PACS2: variants seen among roughly 807,000 people sequenced by gnomAD.
The protein encoded by PACS2 is phosphofurin acidic cluster sorting protein 2.
In PACS2, 36 loss-of-function variants were observed where a neutral mutation model predicts 113.0. The observed-to-expected ratio is 0.32, with a 90% CI of 0.24 to 0.42. The LOEUF (loss-of-function observed/expected upper bound fraction) is 0.42. Ranked by LOEUF, PACS2 falls within the 10% of genes least tolerant of loss-of-function variation. The pLI is 1.00. For synonymous variants in PACS2, 589 were observed against 536.1 expected (o/e 1.10, Z -1.36); for missense variants, 1,015 against 1,239.5 (o/e 0.82, Z 2.72).
intron 1 of PACS2, among the ~76,000 whole-genome samples, chr14:105,337,393 G>A (rs2059569249): frequency 6.6e-6 from 1 of 152,240 alleles, no homozygotes; most frequent in Admixed American, 6.5e-5. Flanking sequence ...CACGCACGTA[G>A]TGCCACTGAC....
At chr14:105,345,323 C>G (rs587673661) in intron 1 of PACS2, among the ~76,000 whole-genome samples, 2 of 145,294 alleles carry the variant, frequency 1.4e-5, no homozygotes, top group East Asian at 4.2e-4. Context: ...AGGACAATAG[C>G]GTGAACCCAG....
At chr14:105,377,650 C>T (rs1230311218) in intron 9 of PACS2, among the ~76,000 whole-genome samples, 2 of 152,306 alleles carry the variant, frequency 1.3e-5, no homozygotes, top group African/African-American at 2.4e-5. Flanking sequence ...ATGTTGGAGG[C>T]GCGGCCCCAG....
intron 19 of PACS2, among the ~76,000 whole-genome samples, chr14:105,387,711 T>C (rs1057353437): frequency 6.6e-6 from 1 of 152,188 alleles, no homozygotes; most frequent in Non-Finnish European, 1.5e-5. Flanking sequence ...CATTCGGCCC[T>C]CATCTGCCAC....
At chr14:105,326,618 C>T (rs1280350795) in intron 1 of PACS2, among the ~76,000 whole-genome samples, 1 of 152,364 alleles carries the variant, frequency 6.6e-6, no homozygotes, top group Admixed American at 6.5e-5. Flanking sequence ...CTGTGTGCCA[C>T]CCAAGTGTCA....
At chr14:105,325,563 G>GCAGCT (rs1361313978) in intron 1 of PACS2, among the ~76,000 whole-genome samples, 1 of 152,198 alleles carries the variant, frequency 6.6e-6, no homozygotes, top group African/African-American at 2.4e-5. Flanking sequence ...CCACGCACAG[G>GCAGCT]CAGCTCAGCT....
At chr14:105,384,744 C>T in intron 17 of PACS2, 135 bp from the exon 18 acceptor site, 3 of 668,462 alleles carry the variant, frequency 4.5e-6, no homozygotes, top group Middle Eastern at 3.7e-4. Context: ...CAGGGCCCCT[C>T]AGCTGCAACC....
At chr14:105,386,368 G>C (rs2081176516) in intron 19 of PACS2, among the ~76,000 whole-genome samples, 2 of 152,200 alleles carry the variant, frequency 1.3e-5, no homozygotes, top group African/African-American at 4.8e-5. Context: ...GGCCAGCAGA[G>C]AGGGGTTTCC....
intron 2 of PACS2, among the ~76,000 whole-genome samples, chr14:105,349,859 G>T (rs56105045): frequency 8.7e-6 from 1 of 114,398 alleles, no homozygotes; most frequent in African/African-American, 4.3e-5. Flanking sequence ...TGCAGGACCC[G>T]GAGAACTTCC....
At chr14:105,351,497 T>C (rs1555403975) in intron 2 of PACS2, among the ~76,000 whole-genome samples, 1 of 152,194 alleles carries the variant, frequency 6.6e-6, no homozygotes, top group Admixed American at 6.5e-5. Context: ...TATCTCTGTA[T>C]GTTTTACTTT....
chr14:105,361,063 A>C (rs1774994304), intron 4 of PACS2, among the ~76,000 whole-genome samples: 1 of 152,196 alleles, frequency 6.6e-6, no homozygotes, highest in African/African-American at 2.4e-5. Context: ...CCACATGTGC[A>C]CTTCCTTCCT....
At chr14:105,381,533 T>C (rs587737973) in intron 12 of PACS2, among the ~76,000 whole-genome samples, 8 of 152,386 alleles carry the variant, frequency 5.2e-5, no homozygotes, top group African/African-American at 1.7e-4. Flanking sequence ...GTCCGCGCTT[T>C]GGAGCCAGGT....
At chr14:105,362,366 G>C (rs10152000) in intron 4 of PACS2, among the ~76,000 whole-genome samples, 6,353 of 147,560 alleles carry the variant, frequency 0.043, 491 homozygotes, top group African/African-American at 0.15. Context: ...GCAGTGAGCC[G>C]AGATCGCGCC....
intron 4 of PACS2, among the ~76,000 whole-genome samples, chr14:105,361,092 C>A (rs1349591206): frequency 7.2e-5 from 11 of 152,214 alleles, no homozygotes; most frequent in Admixed American, 2.0e-4. Context: ...GCCTTGAGCC[C>A]TCAAAGTCAT....
rs1255770258 is a variant in PACS2 at position 105,368,555 on chromosome 14, T to C, written c.741+16T>C. Reference sequence around the variant, plus strand: ...CATGACCAGGGTTGGTGGAGACTGCTTCTATGAATGCTGGGGAAGGCGAGG... The same window carrying C: ...CATGACCAGGGTTGGTGGAGACTGCCTCTATGAATGCTGGGGAAGGCGAGG... On this transcript the variant is annotated intron_variant, in intron 7 of 24. Transcript: ENST00000447393. 3.1e-6 allele frequency: 5 copies of C among 1,599,732 alleles called. No individual in the cohort carries two copies. In the Admixed American group the frequency reaches 6.7e-5, roughly 21 times the overall value.
rs2058996581 is a variant in PACS2, at chr14:105,323,952, C to A, written c.119+8915C>A. The stretch of plus-strand genomic sequence containing the variant: ...CACCGCTCTGTCCGCGCAGGCTGTG[C>A]CCTGCTTTCAAGATGCCTGGAAACC... On this transcript the variant is annotated intron_variant, in intron 1 of 24. Coordinates refer to ENST00000447393, the MANE Select transcript of PACS2 (RefSeq NM_001100913.3). The surrounding 1 kb of genome is among the most constrained non-coding windows in gnomAD (Gnocchi z 4.1). Among the ~76,000 whole-genome samples the A allele has an allele frequency of 6.6e-6, 1 of 152,236 alleles. No individual in the cohort carries two copies.
At chr14:105,393,747 G>T (rs1312909573) in intron 24 of PACS2, among the ~76,000 whole-genome samples, 1 of 151,640 alleles carries the variant, frequency 6.6e-6, no homozygotes, top group Non-Finnish European at 1.5e-5. Flanking sequence ...GTGCCACCAC[G>T]CCCGGCTAAT....
In PACS2 at chr14:105,369,903, G is replaced by A; in HGVS notation, c.801+3G>A. ...GGAGGTTCAAAGTGTCCGACGAGGT[G>A]AGTGCGCCGCGCCTTCTGCTCGCGG... On this transcript the variant is annotated splice_donor_region_variant and intron_variant, in intron 8 of 24. Coordinates refer to ENST00000447393, the MANE Select transcript of PACS2 (RefSeq NM_001100913.3). 1.1e-5 allele frequency: 17 copies of A among 1,600,252 alleles called. No homozygotes were observed. Among genetic ancestry groups the A allele is most frequent in the Non-Finnish European group, 1.4e-5 (17 of 1,177,358 alleles).
At chr14:105,328,547 G>A (rs1818557671) in intron 1 of PACS2, among the ~76,000 whole-genome samples, 1 of 152,204 alleles carries the variant, frequency 6.6e-6, no homozygotes, top group African/African-American at 2.4e-5. Context: ...TTGTGCTCTG[G>A]GCTCGCCATC....
intron 8 of PACS2, among the ~76,000 whole-genome samples, chr14:105,375,569 GATC>G (rs2061325199): frequency 6.6e-6 from 1 of 151,638 alleles, no homozygotes; most frequent in South Asian, 2.1e-4. Flanking sequence ...CGATCATCAT[GATC>G]ATTATCACTG....
Sources: gnomAD v4.1 joint callset for allele counts (sites outside exome capture counted in the v4.1 genomes callset) on GRCh38, gnomAD v4.1.1 for gene constraint, Gnocchi (gnomAD v3.1) non-coding constraint, MANE v1.5 for transcripts, NCBI Gene and HGNC (gene_info 2026-07-23, HGNC 2026-07-21) for gene names.